HIPK3: variants seen among roughly 807,000 people sequenced by gnomAD.
HIPK3 encodes the protein homeodomain-interacting protein kinase 3.
Under a neutral mutation model 124.2 loss-of-function variants are expected in HIPK3, and 47 were observed. The ratio of observed to expected loss-of-function variants is 0.38; its 90% CI spans 0.30 to 0.48. HIPK3 has a LOEUF of 0.48. HIPK3 is among the 20% of genes least tolerant of loss of function. HIPK3 has a pLI of 0.98. For missense variants in HIPK3, 1,286 were observed against 1,454.3 expected (o/e 0.88, Z 1.88); for synonymous variants, 482 against 515.2 (o/e 0.94, Z 0.87).
chr11:33,279,324 CAAAAAA>C (rs869091127), intron 1 of HIPK3, among the ~76,000 whole-genome samples: 13 of 77,528 alleles, frequency 1.7e-4, no homozygotes, highest in Admixed American at 1.6e-4. Flanking sequence ...CTCTTTGTCT[CAAAAAA>C]AAAAAAAAAA....
At chr11:33,298,998 C>T (rs1851917015) in intron 2 of HIPK3, among the ~76,000 whole-genome samples, 1 of 151,984 alleles carries the variant, frequency 6.6e-6, no homozygotes, top group Non-Finnish European at 1.5e-5. Flanking sequence ...AGGTGCCTGC[C>T]ACCATGCCTG....
chr11:33,340,833 A>G (rs1385960218), intron 6 of HIPK3, 135 bp from the exon 7 acceptor site: 20 of 496,782 alleles, frequency 4.0e-5, no homozygotes, highest in Non-Finnish European at 6.0e-5. Flanking sequence ...TAGAAATACT[A>G]TTGGAAATAA....
intron 8 of HIPK3, among the ~76,000 whole-genome samples, chr11:33,343,656 A>T (rs1853410646): frequency 6.6e-6 from 1 of 152,206 alleles, no homozygotes; most frequent in Non-Finnish European, 1.5e-5. Context: ...TACCAAATAA[A>T]AAACCAAGAA....
intron 3 of HIPK3, among the ~76,000 whole-genome samples, chr11:33,329,053 C>T (rs1852894714): frequency 6.6e-6 from 1 of 152,166 alleles, no homozygotes; most frequent in African/African-American, 2.4e-5. Context: ...ACCTCAGTAA[C>T]TTGAACTCTT....
chr11:33,260,275 T>C (rs1398939397), intron 1 of HIPK3, among the ~76,000 whole-genome samples: 3 of 152,158 alleles, frequency 2.0e-5, no homozygotes, highest in Admixed American at 6.5e-5. Flanking sequence ...ATGCAAGATA[T>C]GGAGAGCCTC....
At chr11:33,311,869 C>CACACA (rs749157530) in intron 2 of HIPK3, among the ~76,000 whole-genome samples, 12 of 46,956 alleles carry the variant, frequency 2.6e-4, no homozygotes, top group African/African-American at 4.5e-4. Context: ...CACACACACA[C>CACACA]TACACACACA....
chr11:33,346,632 A>C (rs1853501684), intron 8 of HIPK3, among the ~76,000 whole-genome samples: 3 of 152,234 alleles, frequency 2.0e-5, no homozygotes, highest in African/African-American at 7.2e-5. Context: ...ATACTAAGCC[A>C]GATTCTTCTT....
chr11:33,347,770 A>C lies in HIPK3; in HGVS notation c.2144+17A>C, dbSNP rs769925273. The C allele has an allele frequency of 6.2e-7, 1 of 1,613,234 alleles. No individual in the cohort carries two copies. Among genetic ancestry groups the C allele is most frequent in the Non-Finnish European group, 8.5e-7 (1 of 1,179,224 alleles). ...AGACTGGGGGTAAGCTGAAAACAAAAGTACTTTGTGAATAGTTTGCAGACT... is the reference window on the plus strand; with the variant it reads ...AGACTGGGGGTAAGCTGAAAACAAACGTACTTTGTGAATAGTTTGCAGACT... On this transcript the variant is annotated intron_variant, in intron 10 of 16. Coordinates refer to ENST00000303296, the MANE Select transcript of HIPK3 (RefSeq NM_005734.5).
chr11:33,279,541 T>C (rs1291760324), intron 1 of HIPK3, among the ~76,000 whole-genome samples: 2 of 152,168 alleles, frequency 1.3e-5, no homozygotes, highest in Non-Finnish European at 2.9e-5. Flanking sequence ...TGGTTAGCAA[T>C]GATCAGACTC....
intron 1 of HIPK3, among the ~76,000 whole-genome samples, chr11:33,279,325 A>C (rs1470652613): frequency 4.1e-5 from 1 of 24,568 alleles, no homozygotes; most frequent in African/African-American, 2.1e-4. Flanking sequence ...TCTTTGTCTC[A>C]AAAAAAAAAA....
At chr11:33,330,910 G>T (rs1388201870) in intron 3 of HIPK3, among the ~76,000 whole-genome samples, 2 of 151,006 alleles carry the variant, frequency 1.3e-5, no homozygotes, top group African/African-American at 4.9e-5. Context: ...TTGAGACAGG[G>T]TCTCACTCTG....
Position 33,354,257 on chromosome 11 carries a change from G to A in HIPK3, c.*689G>A, listed in dbSNP as rs1000561691. On this transcript the variant is annotated 3_prime_UTR_variant, in exon 17 of 17. Coordinates refer to ENST00000303296, the MANE Select transcript of HIPK3 (RefSeq NM_005734.5). ...TTTGTTTTTGTGTGGTATGATTTCAGGTAGTAGCTGTTTTTTTCCTTATTA... is the reference window on the plus strand; with the variant it reads ...TTTGTTTTTGTGTGGTATGATTTCAAGTAGTAGCTGTTTTTTTCCTTATTA... 5 of 152,586 alleles carry A rather than the reference G, an allele frequency of 3.3e-5. No homozygotes were observed. Among genetic ancestry groups the A allele is most frequent in the Non-Finnish European group, 7.4e-5 (5 of 68,014 alleles). The allele number at this position is 152,586 out of a possible 1,614,324, so 9.5% of individuals were successfully genotyped here. A position where few individuals can be genotyped will look rare whatever the true frequency, so the allele number is the denominator to read the frequency against.
chr11:33,262,568 T>C (rs755996609), intron 1 of HIPK3, among the ~76,000 whole-genome samples: 2 of 152,216 alleles, frequency 1.3e-5, no homozygotes, highest in Non-Finnish European at 2.9e-5. Context: ...TCAATATGTA[T>C]TGTATTTTTA....
chr11:33,336,314 A>T (rs1841322547), intron 3 of HIPK3, among the ~76,000 whole-genome samples: 1 of 152,212 alleles, frequency 6.6e-6, no homozygotes, highest in South Asian at 2.1e-4. Context: ...GGGAGAGCCC[A>T]TCAACTACCA....
intron 2 of HIPK3, among the ~76,000 whole-genome samples, chr11:33,315,199 A>G (rs909961338): frequency 2.0e-5 from 3 of 152,052 alleles, no homozygotes; most frequent in East Asian, 1.9e-4. Flanking sequence ...CTCTTGATAT[A>G]TGTTAGTAAT....
chr11:33,296,937 G>T (rs867249317), intron 2 of HIPK3, among the ~76,000 whole-genome samples: 1 of 152,210 alleles, frequency 6.6e-6, no homozygotes, highest in African/African-American at 2.4e-5. Context: ...AGGAAGGCGT[G>T]TGGAAAGCCA....
At chr11:33,351,149 T>C (rs1447879972) in intron 14 of HIPK3, among the ~76,000 whole-genome samples, 2 of 152,144 alleles carry the variant, frequency 1.3e-5, no homozygotes, top group African/African-American at 4.8e-5. Flanking sequence ...AGATACCTGG[T>C]TAGGTACAAG....
At chr11:33,302,342 CTTTTT>C (rs58735030) in intron 2 of HIPK3, among the ~76,000 whole-genome samples, 1 of 135,706 alleles carries the variant, frequency 7.4e-6, no homozygotes, top group Admixed American at 7.9e-5. Context: ...TTCCTTACTT[CTTTTT>C]TTTTTTTTTG....
At chr11:33,321,146 G>A (rs1852653075) in intron 2 of HIPK3, among the ~76,000 whole-genome samples, 1 of 152,190 alleles carries the variant, frequency 6.6e-6, no homozygotes, top group South Asian at 2.1e-4. Context: ...TGGTGCCCTG[G>A]AATTCAAGTG....
Sources: gnomAD v4.1 joint callset for allele counts (sites outside exome capture counted in the v4.1 genomes callset) on GRCh38, gnomAD v4.1.1 for gene constraint, MANE v1.5 for transcripts, NCBI Gene and HGNC (gene_info 2026-07-23, HGNC 2026-07-21) for gene names.